Variants in NIPSNAP2 observed in about 807,000 individuals in gnomAD.
The protein encoded by NIPSNAP2 is protein NipSnap homolog 2.
Under a neutral mutation model 48.4 loss-of-function variants are expected in NIPSNAP2, and 42 were observed. That is an observed-to-expected ratio of 0.87 (90% CI 0.68 to 1.12). NIPSNAP2 has a LOEUF of 1.12. NIPSNAP2 is among the 50% of genes most tolerant of loss of function. The pLI is 0.00. For synonymous variants in NIPSNAP2, 158 were observed against 126.6 expected, an observed-to-expected ratio of 1.25 and a Z score of -1.67; for missense variants, 314 against 347.3, an observed-to-expected ratio of 0.90 and a Z score of 0.76.
At chr7:55,996,510 G>A (rs1165741683) in intron 8 of NIPSNAP2, among the ~76,000 whole-genome samples, 4 of 152,022 alleles carry the variant, frequency 2.6e-5, no homozygotes, top group Admixed American at 6.6e-5. Flanking sequence ...TATGGGCCAC[G>A]GCACTCTCCA....
chr7:55,964,768 T>A, intron 1 of NIPSNAP2, 67 bp downstream of exon 1: 1 of 845,762 alleles, frequency 1.2e-6, no homozygotes, highest in Non-Finnish European at 1.5e-6. Flanking sequence ...GGCGCGGGTT[T>A]CCCGGCGCCG....
intron 3 of NIPSNAP2, 40 bp downstream of exon 3, chr7:55,978,435 T>G: frequency 6.6e-7 from 1 of 1,521,172 alleles, no homozygotes; most frequent in East Asian, 2.3e-5. Flanking sequence ...GGAAAAATAA[T>G]GACTTTATTT....
intron 4 of NIPSNAP2, 175 bp downstream of exon 4, chr7:55,981,742 T>C (rs1250815996): frequency 1.3e-5 from 7 of 555,004 alleles, no homozygotes; most frequent in Non-Finnish European, 2.2e-5. Context: ...TAAAATTGTT[T>C]TTAATGTTTG....
intron 1 of NIPSNAP2, among the ~76,000 whole-genome samples, chr7:55,967,603 A>C (rs1456137174): frequency 6.6e-6 from 1 of 151,612 alleles, no homozygotes. Flanking sequence ...AGTAGCTGGG[A>C]CTACAGGCCC....
At chr7:55,991,761 A>ATATATATATATATATATAT (rs1190385564) in intron 7 of NIPSNAP2, 15 of 148,462 alleles carry the variant, frequency 1.0e-4, no homozygotes, top group Non-Finnish European at 1.9e-4. Flanking sequence ...AAAAAAAAAA[A>ATATATATATATATATATAT]AAAAATATAT....
chr7:55,999,066 C>A lies in NIPSNAP2; in HGVS notation c.855C>A (p.Leu285=). 6.2e-7 allele frequency: 1 copy of A among 1,612,530 alleles called. No homozygotes were observed. The highest frequency in any genetic ancestry group is 8.5e-7 in the Non-Finnish European group (1 of 1,178,632). Residue 285 remains leucine (L), a synonymous_variant, in exon 10 of 10, where the codon CTC becomes CTA. Transcript: ENST00000322090. ...RIMIPLKTSP[L]Q ...TGATCCCACTGAAGACCTCGCCCCT[C>A]CAGTAAAGCTGTAGAGTTTCTATGT...
At chr7:55,973,953 G>A (rs771039445) in intron 1 of NIPSNAP2, among the ~76,000 whole-genome samples, 3 of 152,194 alleles carry the variant, frequency 2.0e-5, no homozygotes, top group Non-Finnish European at 4.4e-5. Context: ...GGCTGAGTGC[G>A]GCAGCTCACC....
intron 4 of NIPSNAP2, 167 bp downstream of exon 4, chr7:55,981,734 A>C (rs1488953246): frequency 1.8e-6 from 1 of 563,342 alleles, no homozygotes; most frequent in African/African-American, 1.9e-5. Context: ...AATGGTTTTA[A>C]AATTGTTTTT....
intron 1 of NIPSNAP2, among the ~76,000 whole-genome samples, chr7:55,977,541 A>G (rs956689995): frequency 2.6e-5 from 4 of 152,226 alleles, no homozygotes; most frequent in Non-Finnish European, 4.4e-5. Flanking sequence ...TCTTAAGTGC[A>G]TAATTCAGTG....
At chr7:55,966,961 A>G (rs1786907972) in intron 1 of NIPSNAP2, among the ~76,000 whole-genome samples, 1 of 152,214 alleles carries the variant, frequency 6.6e-6, no homozygotes, top group African/African-American at 2.4e-5. Flanking sequence ...AGGGAGTGCC[A>G]TCCGCTGCCA....
chr7:55,978,765 G>T (rs1787154364), intron 3 of NIPSNAP2: 2 of 181,078 alleles, frequency 1.1e-5, no homozygotes, highest in Non-Finnish European at 2.3e-5. Context: ...TTAGGAATAA[G>T]AATTCACATC....
At chr7:55,984,906 T>G in intron 7 of NIPSNAP2, 28 bp downstream of exon 7, 2 of 1,584,652 alleles carry the variant, frequency 1.3e-6, no homozygotes, top group East Asian at 2.2e-5. Context: ...TGGTGATTTT[T>G]TAAGTCTTGT....
intron 1 of NIPSNAP2, among the ~76,000 whole-genome samples, chr7:55,966,800 A>C (rs1047187621): frequency 6.6e-6 from 1 of 152,108 alleles, no homozygotes; most frequent in Middle Eastern, 3.2e-3. Flanking sequence ...AACAAACAAA[A>C]AAATATAGGA....
chr7:55,975,582 A>G (rs963692155), intron 1 of NIPSNAP2, among the ~76,000 whole-genome samples: 1 of 152,086 alleles, frequency 6.6e-6, no homozygotes, highest in Non-Finnish European at 1.5e-5. Context: ...AAAAGGATTA[A>G]CTTCAAGGGG....
chr7:55,994,249 A>T (rs890149644), intron 7 of NIPSNAP2, among the ~76,000 whole-genome samples: 4 of 152,176 alleles, frequency 2.6e-5, no homozygotes, highest in African/African-American at 9.7e-5. Context: ...GTGCTTTTTA[A>T]ATTGACGGGT....
chr7:55,995,108 G>A, intron 8 of NIPSNAP2, 120 bp downstream of exon 8: 1 of 801,518 alleles, frequency 1.2e-6, no homozygotes, highest in Non-Finnish European at 2.2e-6. Context: ...CGACGTCACA[G>A]AGGGACAGTC....
At chr7:55,975,763 C>T (rs539353517) in intron 1 of NIPSNAP2, among the ~76,000 whole-genome samples, 20 of 152,272 alleles carry the variant, frequency 1.3e-4, no homozygotes, top group African/African-American at 3.6e-4. Flanking sequence ...GAGGGCTGAG[C>T]GCAGTGGCTC....
At chr7:55,976,136 G>A (rs1787103747) in intron 1 of NIPSNAP2, among the ~76,000 whole-genome samples, 1 of 152,084 alleles carries the variant, frequency 6.6e-6, no homozygotes, top group Non-Finnish European at 1.5e-5. Flanking sequence ...TCCCACCCCA[G>A]GCCCAGTCAT....
chr7:55,969,982 C>CAAAA (rs759505196), intron 1 of NIPSNAP2, among the ~76,000 whole-genome samples: 3 of 56,156 alleles, frequency 5.3e-5, no homozygotes, highest in Non-Finnish European at 1.2e-4. Context: ...GACTCTGTCT[C>CAAAA]AAAAAAAAAA....
Sources: gnomAD v4.1 joint callset for allele counts (sites outside exome capture counted in the v4.1 genomes callset) on GRCh38, gnomAD v4.1.1 for gene constraint, MANE v1.5 for transcripts, NCBI Gene and HGNC (gene_info 2026-07-23, HGNC 2026-07-21) for gene names.